The following XRCC5 variants were observed in gnomAD, a reference collection of about 807,000 sequenced individuals.
The protein encoded by XRCC5 is X-ray repair cross complementing 5.
XRCC5 carries 12 observed loss-of-function variants against 95.7 expected under a neutral mutation model. The observed-to-expected ratio is 0.13, with a 90% CI of 0.08 to 0.20. XRCC5 has a LOEUF of 0.20. Among genes scored for constraint, XRCC5 ranks in the 10% least tolerant of loss-of-function variants. The pLI is 1.00. For synonymous variants in XRCC5, 281 were observed against 290.3 expected, an observed-to-expected ratio of 0.97 and a Z score of 0.33; for missense variants, 595 against 873.9, an observed-to-expected ratio of 0.68 and a Z score of 4.02.
chr2:216,204,090 G>T, intron 19 of XRCC5: 1 of 529,288 alleles, frequency 1.9e-6, no homozygotes, highest in African/African-American at 1.9e-5. Context: ...CTCTTCGTGA[G>T]CACTTTCTCT....
At chr2:216,121,195 C>T (rs1183660891) in intron 5 of XRCC5, among the ~76,000 whole-genome samples, 2 of 152,220 alleles carry the variant, frequency 1.3e-5, no homozygotes, top group African/African-American at 4.8e-5. Flanking sequence ...ACAGGAGTAA[C>T]CTGATGCAAA....
At chr2:216,204,156 C>G (rs1429981772) in intron 19 of XRCC5, 166 bp from the exon 20 acceptor site, 9 of 729,208 alleles carry the variant, frequency 1.2e-5, no homozygotes, top group Non-Finnish European at 1.8e-5. Flanking sequence ...TCACCCAAAG[C>G]CAAATGAAGT....
intron 8 of XRCC5, among the ~76,000 whole-genome samples, chr2:216,129,250 T>C (rs1188870533): frequency 6.6e-6 from 1 of 152,230 alleles, no homozygotes; most frequent in Non-Finnish European, 1.5e-5. Context: ...TAAAAACTGC[T>C]TGGGTTCAAA....
At chr2:216,115,403 G>T (rs1381842689) in intron 2 of XRCC5, among the ~76,000 whole-genome samples, 1 of 152,160 alleles carries the variant, frequency 6.6e-6, no homozygotes, top group Non-Finnish European at 1.5e-5. Flanking sequence ...CTGAGATTTT[G>T]TCTAGGGCAA....
intron 16 of XRCC5, among the ~76,000 whole-genome samples, chr2:216,169,497 T>C (rs1430248015): frequency 6.6e-6 from 1 of 152,220 alleles, no homozygotes; most frequent in Non-Finnish European, 1.5e-5. Context: ...AGTCAGCATC[T>C]GGTAGAGCTG....
intron 16 of XRCC5, among the ~76,000 whole-genome samples, chr2:216,164,827 T>G (rs1689023898): frequency 7.1e-6 from 1 of 141,270 alleles, no homozygotes; most frequent in African/African-American, 3.2e-5. Flanking sequence ...AACTGGCAGT[T>G]TGGTATCTGG....
chr2:216,204,102 G>A (rs1689896061), intron 19 of XRCC5: 2 of 548,806 alleles, frequency 3.6e-6, no homozygotes, highest in African/African-American at 1.9e-5. Context: ...ACTTTCTCTG[G>A]TGATGAGTTA....
intron 2 of XRCC5, among the ~76,000 whole-genome samples, chr2:216,115,236 C>T (rs1180718763): frequency 6.6e-6 from 1 of 152,144 alleles, no homozygotes. Context: ...CGGAGTTTCT[C>T]TGGATAACTG....
chr2:216,158,802 C>G (rs1688894985), intron 14 of XRCC5, among the ~76,000 whole-genome samples: 1 of 152,124 alleles, frequency 6.6e-6, no homozygotes, highest in Admixed American at 6.5e-5. Flanking sequence ...GTTCTTTTAC[C>G]TACCTCTAAG....
chr2:216,128,456 A>C (rs1172689886), intron 8 of XRCC5, among the ~76,000 whole-genome samples: 7 of 152,138 alleles, frequency 4.6e-5, no homozygotes. Context: ...GGTGGTGGTT[A>C]TGATTCCTTC....
intron 18 of XRCC5, among the ~76,000 whole-genome samples, chr2:216,193,236 C>T (rs979582355): frequency 6.6e-6 from 1 of 152,286 alleles, no homozygotes; most frequent in African/African-American, 2.4e-5. Flanking sequence ...GCAACCAATG[C>T]AAGTTAAACC....
chr2:216,138,056 GT>G, intron 11 of XRCC5, 32 bp from the exon 12 acceptor site: 1 of 1,523,958 alleles, frequency 6.6e-7, no homozygotes, highest in Non-Finnish European at 9.0e-7. Flanking sequence ...TAATTTCATC[GT>G]TTCTGCTTTT....
rs200962435 is a variant in XRCC5, at chr2:216,196,531, T to TAC, written c.2109+1555_2109+1556dup. On this transcript the variant is annotated intron_variant, in intron 19 of 20. Transcript: ENST00000392132. ...GTGTGTCTGTGTGTGTGTATGCACA[T>TAC]ACACACACACATATATATAGAGAGA... is the stretch of plus-strand genomic sequence containing the variant. Among the ~76,000 whole-genome samples the TAC allele has an allele frequency of 7.7e-3, 1,176 of 152,138 alleles. 16 individuals are homozygous for TAC. Among genetic ancestry groups the TAC allele is most frequent in the African/African-American group, 0.027 (1,114 of 41,506 alleles).
intron 19 of XRCC5, among the ~76,000 whole-genome samples, chr2:216,196,994 A>G (rs927497929): frequency 6.6e-6 from 1 of 152,196 alleles, no homozygotes; most frequent in African/African-American, 2.4e-5. Flanking sequence ...GACAGTACAT[A>G]CTAGAGTTTT....
chr2:216,155,416 A>G (rs1574469504), intron 14 of XRCC5, among the ~76,000 whole-genome samples: 1 of 152,178 alleles, frequency 6.6e-6, no homozygotes, highest in Non-Finnish European at 1.5e-5. Context: ...TTCAATCTCA[A>G]TTAGTAATCA....
At chr2:216,122,372 A>G (rs1696826027) in intron 6 of XRCC5, 119 bp downstream of exon 6, 3 of 941,860 alleles carry the variant, frequency 3.2e-6, no homozygotes, top group Admixed American at 5.4e-5. Flanking sequence ...TCATTGCTTA[A>G]TATTCTGAGT....
chr2:216,179,789 G>A (rs1260556372), intron 16 of XRCC5, among the ~76,000 whole-genome samples: 2 of 152,192 alleles, frequency 1.3e-5, no homozygotes, highest in African/African-American at 4.8e-5. Context: ...TTTTCTCTGA[G>A]TGAAATGTGA....
intron 18 of XRCC5, among the ~76,000 whole-genome samples, chr2:216,194,047 G>A (rs1689669346): frequency 6.6e-6 from 1 of 152,152 alleles, no homozygotes; most frequent in Non-Finnish European, 1.5e-5. Flanking sequence ...ATGGCCACAA[G>A]ACAAAATGCA....
intron 19 of XRCC5, among the ~76,000 whole-genome samples, chr2:216,197,541 A>G (rs1398123015): frequency 6.6e-6 from 1 of 151,712 alleles, no homozygotes; most frequent in East Asian, 1.9e-4. Flanking sequence ...AATCTCTTCT[A>G]CTTCAGCCAC....
Sources: gnomAD v4.1 joint callset for allele counts (sites outside exome capture counted in the v4.1 genomes callset) on GRCh38, gnomAD v4.1.1 for gene constraint, MANE v1.5 for transcripts, NCBI Gene and HGNC (gene_info 2026-07-23, HGNC 2026-07-21) for gene names.